ERBB4: variants seen among roughly 807,000 people sequenced by gnomAD.
ERBB4 encodes receptor tyrosine-protein kinase erbB-4.
ERBB4 carries 42 observed loss-of-function variants against 158.0 expected under a neutral mutation model. The ratio of observed to expected loss-of-function variants is 0.27; its 90% confidence interval spans 0.21 to 0.34. The LOEUF is 0.34. Among genes scored for constraint, ERBB4 ranks in the 10% least tolerant of loss-of-function variants. The pLI is 1.00. For synonymous variants in ERBB4, 583 were observed against 558.7 expected, an observed-to-expected ratio of 1.04 and a Z score of -0.61; for missense variants, 1,333 against 1,624.1, an observed-to-expected ratio of 0.82 and a Z score of 3.08.
chr2:211,795,188 A>C (rs1246161572), intron 3 of ERBB4, among the ~76,000 whole-genome samples: 4 of 151,866 alleles, frequency 2.6e-5, no homozygotes, highest in Non-Finnish European at 5.9e-5. Context: ...GGTAGGGGAG[A>C]GAAATCCTGC....
chr2:211,725,210 A>T lies in ERBB4; in HGVS notation c.623-16T>A, dbSNP rs2074227452. Reference sequence around the variant, plus strand: ...GTCCTTGTCACTGCAGAAGACAGAGATAGGACCATGATCAAAGTCTGCCAC... The same window carrying T: ...GTCCTTGTCACTGCAGAAGACAGAGTTAGGACCATGATCAAAGTCTGCCAC... On this transcript the variant is annotated splice_polypyrimidine_tract_variant and intron_variant, in intron 5 of 27. Transcript: ENST00000342788. The T allele has an allele frequency of 6.3e-7, 1 of 1,585,720 alleles. No individual in the cohort carries two copies. The highest frequency in any genetic ancestry group is 8.7e-7 in the Non-Finnish European group (1 of 1,154,048).
intron 1 of ERBB4, among the ~76,000 whole-genome samples, chr2:212,311,575 A>G (rs2106238531): frequency 6.6e-6 from 1 of 151,108 alleles, no homozygotes; most frequent in East Asian, 2.0e-4. Context: ...GTTTCTTTAA[A>G]TGCCTACTTT....
intron 3 of ERBB4, among the ~76,000 whole-genome samples, chr2:211,824,352 G>T (rs925031680): frequency 6.6e-6 from 1 of 151,944 alleles, no homozygotes; most frequent in East Asian, 1.9e-4. Context: ...CATCGCTAAC[G>T]TATGCAGTTC....
intron 19 of ERBB4, among the ~76,000 whole-genome samples, chr2:211,601,438 G>C (rs1289710182): frequency 2.6e-5 from 4 of 151,920 alleles, no homozygotes; most frequent in African/African-American, 9.6e-5. Flanking sequence ...TAAGTTTCCG[G>C]ATTCAAAGTT....
chr2:212,088,110 T>A (rs2078668908), intron 2 of ERBB4, among the ~76,000 whole-genome samples: 2 of 152,110 alleles, frequency 1.3e-5, no homozygotes, highest in African/African-American at 4.8e-5. Flanking sequence ...CATCATCTAA[T>A]TAAAATCTGC....
At chr2:211,868,182 T>A (rs1242213170) in intron 3 of ERBB4, among the ~76,000 whole-genome samples, 1 of 152,192 alleles carries the variant, frequency 6.6e-6, no homozygotes, top group Non-Finnish European at 1.5e-5. Flanking sequence ...AATATGGTAT[T>A]TCTACAGAAT....
At chr2:211,837,149 C>T (rs895022465) in intron 3 of ERBB4, among the ~76,000 whole-genome samples, 1 of 152,060 alleles carries the variant, frequency 6.6e-6, no homozygotes, top group South Asian at 2.1e-4. Flanking sequence ...TTCTATAATT[C>T]CATATCACAG....
chr2:211,847,542 G>A (rs1482555467), intron 3 of ERBB4, among the ~76,000 whole-genome samples: 2 of 152,160 alleles, frequency 1.3e-5, no homozygotes, highest in East Asian at 3.9e-4. Flanking sequence ...CAGCAAGCTT[G>A]TCCAACCTGC....
At chr2:211,659,501 T>A (rs1574939977) in intron 15 of ERBB4, among the ~76,000 whole-genome samples, 1 of 152,260 alleles carries the variant, frequency 6.6e-6, no homozygotes, top group East Asian at 1.9e-4. Flanking sequence ...TCCTGCTCTA[T>A]CTTCTTGAAA....
intron 1 of ERBB4, among the ~76,000 whole-genome samples, chr2:212,380,837 T>A (rs2090479436): frequency 6.6e-6 from 1 of 151,210 alleles, no homozygotes; most frequent in Non-Finnish European, 1.5e-5. Flanking sequence ...AAATCAAGTA[T>A]ATTGTATTTA....
At chr2:212,002,951 C>T (rs2076140190) in intron 2 of ERBB4, among the ~76,000 whole-genome samples, 1 of 150,910 alleles carries the variant, frequency 6.6e-6, no homozygotes, top group South Asian at 2.1e-4. Flanking sequence ...ATTCCAGACT[C>T]GGGAGGCTGT....
At position 211,856,510 on chromosome 2, in the gene ERBB4, C is replaced by T. The variant is rs2077867775; in HGVS notation, c.422-68351G>A. Among the ~76,000 whole-genome samples, 5 of 151,868 alleles carry T rather than the reference C, an allele frequency of 3.3e-5. No individual in the cohort carries two copies. In the South Asian group the frequency reaches 1.0e-3, roughly 32 times the overall value. ...ACGCCATTCTCCTGCCTCAGCCTCCCGAGTAGCTGGGACTACAGGCACCCG... is the reference window on the plus strand; with the variant it reads ...ACGCCATTCTCCTGCCTCAGCCTCCTGAGTAGCTGGGACTACAGGCACCCG... On this transcript the variant is annotated intron_variant, in intron 3 of 27. Transcript: ENST00000342788.
In ERBB4 at chr2:211,704,280, G is replaced by A. The variant is rs747204135; in HGVS notation, c.1199-86C>T. The A allele has an allele frequency of 1.1e-5, 10 of 889,232 alleles. No individual in the cohort carries two copies. The Admixed American group carries it at 1.4e-4, about 12-fold the overall frequency. The allele number at this position is 889,232 out of a possible 1,614,324, so 55.1% of individuals were successfully genotyped here. ...TTTTCTTGAAATATGGTGAAAATGT[G>A]TTGAAAGTTGGGAAGTGAGAAAGGG... On this transcript the variant is annotated intron_variant, in intron 10 of 27. Coordinates refer to ENST00000342788, the MANE Select transcript of ERBB4 (RefSeq NM_005235.3).
At chr2:211,425,660 T>G (rs992899316) in intron 22 of ERBB4, among the ~76,000 whole-genome samples, 1 of 151,816 alleles carries the variant, frequency 6.6e-6, no homozygotes, top group Non-Finnish European at 1.5e-5. Context: ...TATTTTATAT[T>G]TAGAATAGTT....
chr2:212,184,850 T>C lies in ERBB4; in HGVS notation c.83-59947A>G, dbSNP rs1446297742. Among the ~76,000 whole-genome samples the C allele has an allele frequency of 4.6e-5, 7 of 151,982 alleles. No homozygotes were observed. In the East Asian group the frequency reaches 9.7e-4, roughly 21 times the overall value. ...CAGGTTAATTTCACAAGAAAATAAG[T>C]ATTTTTTTTCTTAGATTCTAGTCTC... On this transcript the variant is annotated intron_variant, in intron 1 of 27. Transcript: ENST00000342788.
intron 12 of ERBB4, among the ~76,000 whole-genome samples, chr2:211,681,046 T>C (rs2072312994): frequency 6.6e-6 from 1 of 152,198 alleles, no homozygotes; most frequent in South Asian, 2.1e-4. Context: ...TTGGTCTGCT[T>C]TCTGTTACTC....
intron 13 of ERBB4, among the ~76,000 whole-genome samples, chr2:211,673,528 A>AAAAAAAAAG (rs1432231391): frequency 6.7e-6 from 1 of 149,772 alleles, no homozygotes; most frequent in South Asian, 2.1e-4. Context: ...AAAAAAAAAA[A>AAAAAAAAAG]AAGCTACAAA....
chr2:212,300,604 A>C lies in ERBB4; in HGVS notation c.83-175701T>G, dbSNP rs142540580. 6.9e-3 allele frequency among the ~76,000 whole-genome samples: 1,047 copies of C among 151,598 alleles called. 8 individuals are homozygous for C. Among genetic ancestry groups the C allele is most frequent in the African/African-American group, 0.023 (950 of 41,470 alleles). ...TAAAAACTAAGAAAGCAGTAAATCG[A>C]GATGTGATAAGAGGAGTGGGGTGAC... On this transcript the variant is annotated intron_variant, in intron 1 of 27. Transcript: ENST00000342788.
chr2:212,290,338 C>T (rs116092913), intron 1 of ERBB4, among the ~76,000 whole-genome samples: 2,046 of 152,174 alleles, frequency 0.013, 46 homozygotes, highest in African/African-American at 0.046. Context: ...TGTATACACA[C>T]AGTAGTACAT....
Sources: gnomAD v4.1 joint callset for allele counts (sites outside exome capture counted in the v4.1 genomes callset) on GRCh38, gnomAD v4.1.1 for gene constraint, MANE v1.5 for transcripts, NCBI Gene and HGNC (gene_info 2026-07-23, HGNC 2026-07-21) for gene names.